SMARCA2: variants seen among roughly 807,000 people sequenced by gnomAD.
SMARCA2 encodes SWI/SNF-related matrix-associated actin-dependent regulator of chromatin subfamily A member 2.
SMARCA2 carries 61 observed loss-of-function variants against 199.8 expected under a neutral mutation model. The ratio of observed to expected loss-of-function variants is 0.31; its 90% CI spans 0.25 to 0.38. The LOEUF (loss-of-function observed/expected upper bound fraction) is 0.38, where lower values mean the gene tolerates loss of function less well. Ranked by LOEUF, SMARCA2 falls within the 10% of genes least tolerant of loss-of-function variation. The pLI is 1.00. For synonymous variants in SMARCA2, 935 were observed against 732.0 expected (o/e 1.28, Z -4.48); for missense variants, 1,344 against 2,012.2 (o/e 0.67, Z 6.35).
rs1360244993 is a variant in SMARCA2, at chr9:2,170,557, T to C, written c.4253+85T>C. 4 of 1,605,544 alleles carry C rather than the reference T, an allele frequency of 2.5e-6. No homozygotes were observed. Among genetic ancestry groups the C allele is most frequent in the Non-Finnish European group, 3.4e-6 (4 of 1,174,756 alleles). ...CAGATTGAATCATATAATCGGCCTT[T>C]GGAAGCAAATTTCTTCGGTCACCTC... On this transcript the variant is annotated intron_variant, in intron 29 of 33. Transcript: ENST00000349721. This position sits in a 1 kb window ranked among gnomAD's most constrained non-coding sequence, Gnocchi z 4.7.
intron 31 of SMARCA2, among the ~76,000 whole-genome samples, chr9:2,184,969 CAATAAAAGG>C (rs1271988171): frequency 6.6e-6 from 1 of 151,690 alleles, no homozygotes; most frequent in African/African-American, 2.4e-5. Flanking sequence ...GTCTTCTTTA[CAATAAAAGG>C]AATATGTTCC....
At chr9:2,077,864 G>A in intron 14 of SMARCA2, 88 bp downstream of exon 14, 1 of 1,234,298 alleles carries the variant, frequency 8.1e-7, no homozygotes, top group Non-Finnish European at 1.1e-6. Context: ...TTGACTAAGG[G>A]CTTTTGATGA....
intron 8 of SMARCA2, among the ~76,000 whole-genome samples, chr9:2,060,152 C>CAAAAAAAAAAAA (rs1820524051): frequency 8.0e-6 from 1 of 124,478 alleles, no homozygotes; most frequent in African/African-American, 3.2e-5. Flanking sequence ...AAAAAAAAAT[C>CAAAAAAAAAAAA]CCCCAAATTT....
In SMARCA2 at chr9:2,192,637, T is replaced by A; in HGVS notation, c.4738-67T>A. The A allele has an allele frequency of 5.4e-6, 6 of 1,107,376 alleles. No homozygotes were observed. The South Asian group carries it at 7.4e-5, about 14-fold the overall frequency. 68.6% of individuals were successfully genotyped at this position (1,107,376 alleles called of 1,614,324 possible). A position where few individuals can be genotyped will look rare whatever the true frequency, so the allele number is the denominator to read the frequency against. ...TTTTCCTACTGGCCTCTTGATGGTTTGTTGTTATATCTTCTTTTTCTTGCA... is the reference window on the plus strand; with the variant it reads ...TTTTCCTACTGGCCTCTTGATGGTTAGTTGTTATATCTTCTTTTTCTTGCA... On this transcript the variant is annotated intron_variant, in intron 33 of 33. Transcript: ENST00000349721.
chr9:2,026,941 C>T (rs1382457813), intron 1 of SMARCA2, among the ~76,000 whole-genome samples: 1 of 152,142 alleles, frequency 6.6e-6, no homozygotes, highest in Non-Finnish European at 1.5e-5. Flanking sequence ...ACTGTTGAGG[C>T]TCCCCTGTTG....
intron 27 of SMARCA2, among the ~76,000 whole-genome samples, chr9:2,136,006 T>C (rs966097400): frequency 6.6e-6 from 1 of 151,592 alleles, no homozygotes; most frequent in African/African-American, 2.4e-5. Flanking sequence ...CACGCCCGGC[T>C]AATTTTTGTG....
chr9:2,087,261 A>T, intron 18 of SMARCA2, 190 bp downstream of exon 18: 2 of 646,552 alleles, frequency 3.1e-6, no homozygotes, highest in South Asian at 3.9e-5. Flanking sequence ...AAATGGATCT[A>T]GTGGTACATG....
intron 32 of SMARCA2, among the ~76,000 whole-genome samples, chr9:2,186,817 C>A (rs1827491815): frequency 6.6e-6 from 1 of 152,138 alleles, no homozygotes; most frequent in African/African-American, 2.4e-5. Flanking sequence ...CAAGCCGCCA[C>A]ACCTGACCTG....
intron 24 of SMARCA2, among the ~76,000 whole-genome samples, chr9:2,111,206 A>G (rs2130582300): frequency 6.6e-6 from 1 of 152,072 alleles, no homozygotes; most frequent in East Asian, 1.9e-4. Context: ...AAAAATGAAG[A>G]GCAGGTGTGG....
chr9:2,031,178 A>G (rs1819053863), intron 2 of SMARCA2, among the ~76,000 whole-genome samples: 1 of 152,104 alleles, frequency 6.6e-6, no homozygotes, highest in Non-Finnish European at 1.5e-5. Context: ...TTAACAATGT[A>G]TTATGGATAT....
At chr9:2,064,670 T>C (rs1820749895) in intron 9 of SMARCA2, among the ~76,000 whole-genome samples, 1 of 152,226 alleles carries the variant, frequency 6.6e-6, no homozygotes, top group Non-Finnish European at 1.5e-5. Context: ...CTTTAAATAC[T>C]GAGGCATGCA....
At chr9:2,164,304 A>T (rs1825835818) in intron 28 of SMARCA2, among the ~76,000 whole-genome samples, 1 of 151,940 alleles carries the variant, frequency 6.6e-6, no homozygotes, top group East Asian at 1.9e-4. Flanking sequence ...CTTAAACCTC[A>T]GCTAAGCATT....
chr9:2,159,738 T>C (rs1825567167), intron 27 of SMARCA2: 31 of 1,531,486 alleles, frequency 2.0e-5, no homozygotes, highest in Non-Finnish European at 2.7e-5. Context: ...CTTTCAGTAT[T>C]AAATTTTCAG....
chr9:2,173,014 T>G (rs1334138135), intron 29 of SMARCA2, among the ~76,000 whole-genome samples: 2 of 152,042 alleles, frequency 1.3e-5, no homozygotes, highest in African/African-American at 4.8e-5. Flanking sequence ...GACAAGGGAA[T>G]AAATATTCAG....
intron 31 of SMARCA2, among the ~76,000 whole-genome samples, chr9:2,185,610 C>T (rs566905299): frequency 2.0e-5 from 3 of 152,136 alleles, no homozygotes; most frequent in Non-Finnish European, 4.4e-5. Context: ...TCTTTCAGCA[C>T]CTACCCAGGG....
chr9:2,192,376 G>C (rs1827943996), intron 33 of SMARCA2: 1 of 311,012 alleles, frequency 3.2e-6, no homozygotes, highest in African/African-American at 2.2e-5. Context: ...TCAAATGCAG[G>C]GTATTTTTTT....
chr9:2,124,283 AG>A (rs1412392495), intron 27 of SMARCA2, among the ~76,000 whole-genome samples: 1 of 152,206 alleles, frequency 6.6e-6, no homozygotes, highest in African/African-American at 2.4e-5. Context: ...TCTCCAACTG[AG>A]AATCAAAATG....
chr9:2,106,682 A>G (rs1322714480), intron 23 of SMARCA2, among the ~76,000 whole-genome samples: 1 of 152,062 alleles, frequency 6.6e-6, no homozygotes, highest in Non-Finnish European at 1.5e-5. Flanking sequence ...ACTTTAGGGG[A>G]AAAAAAATCA....
intron 27 of SMARCA2, among the ~76,000 whole-genome samples, chr9:2,153,448 C>T (rs914611976): frequency 6.6e-6 from 1 of 151,994 alleles, no homozygotes; most frequent in African/African-American, 2.4e-5. Flanking sequence ...GGGAGGATTG[C>T]TTGAGCCCAC....
Sources: gnomAD v4.1 joint callset for allele counts (sites outside exome capture counted in the v4.1 genomes callset) on GRCh38, gnomAD v4.1.1 for gene constraint, Gnocchi (gnomAD v3.1) non-coding constraint, MANE v1.5 for transcripts, NCBI Gene and HGNC (gene_info 2026-07-23, HGNC 2026-07-21) for gene names.